CNTN4: variants seen among roughly 807,000 people sequenced by gnomAD.
CNTN4 encodes contactin 4, also known as contactin-4.
A neutral mutation model predicts 122.5 loss-of-function variants in CNTN4; 77 were observed. The ratio of observed to expected loss-of-function variants is 0.63; its 90% confidence interval spans 0.52 to 0.76. CNTN4 has a LOEUF of 0.76. CNTN4 is among the 30% of genes least tolerant of loss of function. The probability of loss-of-function intolerance (pLI) is 0.00; values close to 1 mark genes in which losing one functional copy is unlikely to be tolerated. For synonymous variants in CNTN4, 512 were observed against 447.0 expected, an observed-to-expected ratio of 1.15 and a Z score of -1.83; for missense variants, 1,256 against 1,259.1, an observed-to-expected ratio of 1.00 and a Z score of 0.04.
At chr3:3,035,528 A>G (rs1240278629) in intron 17 of CNTN4, among the ~76,000 whole-genome samples, 3 of 152,148 alleles carry the variant, frequency 2.0e-5, no homozygotes, top group East Asian at 1.9e-4. Flanking sequence ...TCAAAAACCA[A>G]TAACAGAGGA....
intron 3 of CNTN4, among the ~76,000 whole-genome samples, chr3:2,509,251 G>A (rs1310061651): frequency 1.3e-5 from 2 of 152,130 alleles, no homozygotes; most frequent in East Asian, 3.9e-4. Flanking sequence ...CCTCACACGA[G>A]CTGCGTGGAG....
intron 14 of CNTN4, among the ~76,000 whole-genome samples, chr3:3,004,179 A>T (rs1696366050): frequency 6.6e-6 from 1 of 152,116 alleles, no homozygotes; most frequent in East Asian, 1.9e-4. Context: ...ATGAATGAAG[A>T]CAAAAAGGAA....
intron 3 of CNTN4, among the ~76,000 whole-genome samples, chr3:2,442,343 G>A (rs1217449439): frequency 2.6e-5 from 4 of 152,146 alleles, no homozygotes; most frequent in Non-Finnish European, 4.4e-5. Context: ...TATGGGAACT[G>A]TAAAGATTTA....
chr3:2,401,464 A>G (rs1287163211), intron 3 of CNTN4, among the ~76,000 whole-genome samples: 1 of 152,166 alleles, frequency 6.6e-6, no homozygotes, highest in Non-Finnish European at 1.5e-5. Context: ...TCTAGAAGTT[A>G]AGATAATAAA....
At chr3:2,233,095 G>A (rs1317668387) in intron 2 of CNTN4, among the ~76,000 whole-genome samples, 3 of 120,146 alleles carry the variant, frequency 2.5e-5, no homozygotes, top group Non-Finnish European at 3.5e-5. Context: ...TGCTGTGGCT[G>A]CTATGATTAT....
chr3:2,741,163 C>T (rs1449098403), intron 5 of CNTN4, among the ~76,000 whole-genome samples: 2 of 152,200 alleles, frequency 1.3e-5, no homozygotes, highest in Non-Finnish European at 2.9e-5. Context: ...AAAGATTAAT[C>T]AACTCTACAA....
At chr3:2,372,351 A>G (rs1037784680) in intron 3 of CNTN4, among the ~76,000 whole-genome samples, 9 of 152,252 alleles carry the variant, frequency 5.9e-5, no homozygotes, top group Admixed American at 3.3e-4. Context: ...GGAATATGTG[A>G]TAGAATGTAG....
intron 11 of CNTN4, among the ~76,000 whole-genome samples, chr3:2,902,260 A>G (rs890854597): frequency 6.6e-5 from 10 of 152,250 alleles, no homozygotes; most frequent in Admixed American, 3.9e-4. Context: ...ACAAATAAGG[A>G]GGATCTCCTG....
intron 3 of CNTN4, among the ~76,000 whole-genome samples, chr3:2,485,014 T>C (rs2076110302): frequency 6.6e-6 from 1 of 152,162 alleles, no homozygotes; most frequent in Non-Finnish European, 1.5e-5. Flanking sequence ...AGCGGGCTGG[T>C]GCCACTGGCC....
intron 4 of CNTN4, among the ~76,000 whole-genome samples, chr3:2,642,772 T>G (rs941561166): frequency 1.3e-5 from 2 of 152,222 alleles, no homozygotes; most frequent in Non-Finnish European, 2.9e-5. Context: ...TTTTCTGTCC[T>G]TCTGTCTTTG....
At chr3:2,120,401 A>ATT (rs1452871476) in intron 2 of CNTN4, among the ~76,000 whole-genome samples, 21 of 31,364 alleles carry the variant, frequency 6.7e-4, no homozygotes, top group Admixed American at 1.1e-3. Context: ...ATATATATAT[A>ATT]TATATTTTTT....
At chr3:2,935,760 G>A (rs1577330857) in intron 13 of CNTN4, among the ~76,000 whole-genome samples, 2 of 152,196 alleles carry the variant, frequency 1.3e-5, no homozygotes, top group African/African-American at 4.8e-5. Flanking sequence ...TTTTCCCTAA[G>A]AGGCTGAAAG....
At chr3:2,199,415 CT>C (rs1023601935) in intron 2 of CNTN4, among the ~76,000 whole-genome samples, 3 of 152,010 alleles carry the variant, frequency 2.0e-5, no homozygotes, top group Non-Finnish European at 2.9e-5. Context: ...TTCTCTCCCC[CT>C]GTCCCTACCA....
intron 2 of CNTN4, among the ~76,000 whole-genome samples, chr3:2,114,758 A>G (rs2033223685): frequency 6.6e-6 from 1 of 152,220 alleles, no homozygotes; most frequent in African/African-American, 2.4e-5. Flanking sequence ...GATATTCTTT[A>G]TGCTGTAGAA....
chr3:2,612,370 T>C (rs1275315196), intron 4 of CNTN4, among the ~76,000 whole-genome samples: 1 of 152,066 alleles, frequency 6.6e-6, no homozygotes, highest in African/African-American at 2.4e-5. Context: ...CCTCATGTAG[T>C]TTATTGAATA....
chr3:2,768,590 T>C (rs2090958919), intron 6 of CNTN4, among the ~76,000 whole-genome samples: 1 of 152,186 alleles, frequency 6.6e-6, no homozygotes, highest in Admixed American at 6.5e-5. Context: ...TGACTTCCCC[T>C]ATCTACTTTA....
intron 3 of CNTN4, among the ~76,000 whole-genome samples, chr3:2,531,220 A>G (rs887062133): frequency 1.3e-5 from 2 of 152,240 alleles, no homozygotes; most frequent in Non-Finnish European, 2.9e-5. Flanking sequence ...TTAGCCAGGA[A>G]AGGAGACAAG....
chr3:2,125,894 G>GT (rs2034118089), intron 2 of CNTN4, among the ~76,000 whole-genome samples: 1 of 143,374 alleles, frequency 7.0e-6, no homozygotes, highest in Admixed American at 7.0e-5. Flanking sequence ...TTTTATTTCT[G>GT]GTGTGTGTGT....
intron 3 of CNTN4, among the ~76,000 whole-genome samples, chr3:2,465,911 G>A (rs2151465797): frequency 6.6e-6 from 1 of 152,276 alleles, no homozygotes; most frequent in African/African-American, 2.4e-5. Flanking sequence ...AAAATGGAGT[G>A]TGCAATTCAT....
Sources: allele counts gnomAD v4.1 joint callset (sites outside exome capture counted in the v4.1 genomes callset), GRCh38; gene constraint gnomAD v4.1.1; transcripts MANE v1.5; gene names NCBI Gene and HGNC (gene_info 2026-07-23, HGNC 2026-07-21).